Variants in HSPD1 observed in about 807,000 individuals in gnomAD.
HSPD1 encodes heat shock protein family D (Hsp60) member 1, also known as 60 kDa heat shock protein, mitochondrial.
A neutral mutation model predicts 53.0 loss-of-function variants in HSPD1; 3 were observed. The ratio of observed to expected loss-of-function variants is 0.06; its 90% CI spans 0.03 to 0.15. HSPD1 has a LOEUF of 0.15. Ranked by LOEUF, HSPD1 falls within the 10% of genes least tolerant of loss-of-function variation. The pLI, the probability that HSPD1 is intolerant of heterozygous loss-of-function variation, is 1.00. For missense variants in HSPD1, 431 were observed against 694.1 expected (o/e 0.62, Z 4.26); for synonymous variants, 200 against 228.0 (o/e 0.88, Z 1.10).
In HSPD1 at chr2:197,487,977, C is replaced by T. The variant is rs748986010; in HGVS notation, c.1450G>A (p.Gly484Ser). The T allele has an allele frequency of 6.2e-7, 1 of 1,613,042 alleles. No homozygotes were observed. ...IPAMTIAKNA[G>S]VEGSLIVEKI... ...TCAACTATCAAAGATCCTTCAACAC[C>T]TGCATTCTTAGCAATGGTCATTGCT... is the stretch of plus-strand genomic sequence containing the variant. Residue 484 changes from glycine to serine, a missense_variant, in exon 11 of 12, where the codon GGT becomes AGT. By Grantham distance (56) the Gly-to-Ser change is moderately conservative. This residue lies in a region of HSPD1 where 386 missense variants were observed against 657.6 expected (regional missense o/e 0.59). Transcript: ENST00000388968.
Position 197,487,216 on chromosome 2 carries a change from T to G in HSPD1, c.1570-18A>C. 6.2e-7 allele frequency: 1 copy of G among 1,610,038 alleles called. No individual in the cohort carries two copies. The highest frequency in any genetic ancestry group is 1.7e-4 in the Middle Eastern group (1 of 6,056). On this transcript the variant is annotated intron_variant, in intron 11 of 11. Coordinates refer to ENST00000388968, the MANE Select transcript of HSPD1 (RefSeq NM_002156.5). ...CTCACAACCTAGAAAAAAATTTAAT[T>G]AATTAGTTTTCCCTTAGTAAAATAT...
At position 197,487,010 on chromosome 2, in the gene HSPD1, C is replaced by T. The variant is rs1574595281; in HGVS notation, c.*36G>A. On this transcript the variant is annotated 3_prime_UTR_variant, in exon 12 of 12. Coordinates refer to ENST00000388968, the MANE Select transcript of HSPD1 (RefSeq NM_002156.5). ...GAACACTGCCTTGGGCTTCCTGTCA[C>T]AGTTCATTAATAAAGGTAAAGCACT... 9.5e-7 allele frequency: 1 copy of T among 1,047,372 alleles called. No individual in the cohort carries two copies. Among genetic ancestry groups the T allele is most frequent in the Non-Finnish European group, 1.5e-6 (1 of 666,762 alleles). The allele number at this position is 1,047,372 out of a possible 1,614,324, so 64.9% of individuals were successfully genotyped here. A position where few individuals can be genotyped will look rare whatever the true frequency, so the allele number is the denominator to read the frequency against.
chr2:197,495,473 T>C (rs1257657820), intron 3 of HSPD1, 97 bp from the exon 4 acceptor site: 2 of 908,924 alleles, frequency 2.2e-6, no homozygotes, highest in East Asian at 2.5e-5. Flanking sequence ...TTTAATGCCT[T>C]AACTTAAAAA....
chr2:197,495,445 G>A (rs2106077522), intron 3 of HSPD1, 69 bp from the exon 4 acceptor site: 1 of 1,097,590 alleles, frequency 9.1e-7, no homozygotes, highest in Admixed American at 1.8e-5. Context: ...TAGAAATCTT[G>A]AGATTTGTGA....
chr2:197,490,413 GTGTTTTTT>G (rs1273928430), intron 7 of HSPD1, 117 bp from the exon 8 acceptor site: 2 of 766,182 alleles, frequency 2.6e-6, no homozygotes, highest in East Asian at 2.6e-5. Context: ...TTTGGTTTTT[GTGTTTTTT>G]TGTTTTTTTT....
chr2:197,494,978 C>CA, intron 4 of HSPD1: 1 of 597,732 alleles, frequency 1.7e-6, no homozygotes, highest in Admixed American at 3.0e-5. Context: ...ATTCTTGTAA[C>CA]AAAAAGTTTA....
rs927609896 is a variant in HSPD1 at position 197,494,276 on chromosome 2, T to C, written c.607-26A>G. ...CTATGAAAAGTCAAAGAATTAGGTA[T>C]ATGGATTTCATTGAACACAAAACAT... On this transcript the variant is annotated intron_variant, in intron 5 of 11. Transcript: ENST00000388968. The C allele has an allele frequency of 1.2e-5, 13 of 1,115,622 alleles. No homozygotes were observed. The African/African-American group carries it at 1.5e-4, about 13-fold the overall frequency. The allele number at this position is 1,115,622 out of a possible 1,614,324, so 69.1% of individuals were successfully genotyped here. A position where few individuals can be genotyped will look rare whatever the true frequency, so the allele number is the denominator to read the frequency against.
intron 5 of HSPD1, 134 bp downstream of exon 5, chr2:197,494,523 T>C (rs2086133325): frequency 4.5e-6 from 3 of 667,416 alleles, no homozygotes; most frequent in Non-Finnish European, 5.3e-6. Context: ...TGAGACTACA[T>C]ATGAAGGAAT....
chr2:197,494,622 C>T (rs557408307), intron 5 of HSPD1, 35 bp downstream of exon 5: 1 of 1,242,812 alleles, frequency 8.0e-7, no homozygotes, highest in East Asian at 2.4e-5. Context: ...CATAAGATAA[C>T]TCAAAATTAT....
rs1010111287 is a variant in HSPD1, at chr2:197,494,355, G to A, written c.607-105C>T. The A allele has an allele frequency of 9.6e-6, 7 of 729,782 alleles. No individual in the cohort carries two copies. The African/African-American group carries it at 1.1e-4, about 11-fold the overall frequency. 45.2% of individuals were successfully genotyped at this position (729,782 alleles called of 1,614,324 possible). A position where few individuals can be genotyped will look rare whatever the true frequency, so the allele number is the denominator to read the frequency against. On this transcript the variant is annotated intron_variant, in intron 5 of 11. Transcript: ENST00000388968. ...GACCCCTCTGGCCATAAGAGATGCA[G>A]GGTAGAGTATGAAACAGCCCAGGAC... is the stretch of plus-strand genomic sequence containing the variant.
At chr2:197,492,190 C>G (rs1240135671) in intron 7 of HSPD1, among the ~76,000 whole-genome samples, 1 of 152,098 alleles carries the variant, frequency 6.6e-6, no homozygotes, top group African/African-American at 2.4e-5. Context: ...AATACACTTA[C>G]ATCTGAGTTA....
intron 1 of HSPD1, among the ~76,000 whole-genome samples, 175 bp downstream of exon 1, chr2:197,499,607 T>C (rs1292068908): frequency 6.6e-6 from 1 of 152,074 alleles, no homozygotes; most frequent in Non-Finnish European, 1.5e-5. Flanking sequence ...GCGTCGCACG[T>C]GATGGAACCC....
In HSPD1 at chr2:197,495,534, A is replaced by G. The variant is rs146816839; in HGVS notation, c.428-158T>C. Among the ~76,000 whole-genome samples, 400 of 151,888 alleles carry G rather than the reference A, an allele frequency of 2.6e-3. 5 individuals carry two copies. Among genetic ancestry groups the G allele is most frequent in the African/African-American group, 9.3e-3 (386 of 41,378 alleles). ...AGGGTCTTGTTCTGCTGCCCAGGCTAGAGTGCAGTAGCACAGATCATGGCT... is the reference window on the plus strand; with the variant it reads ...AGGGTCTTGTTCTGCTGCCCAGGCTGGAGTGCAGTAGCACAGATCATGGCT... On this transcript the variant is annotated intron_variant, in intron 3 of 11. Coordinates refer to ENST00000388968, the MANE Select transcript of HSPD1 (RefSeq NM_002156.5).
At position 197,488,483 on chromosome 2, in the gene HSPD1, C is replaced by T. The variant is rs1233162455; in HGVS notation, c.1224G>A (p.Gly408=). 2.5e-6 allele frequency: 4 copies of T among 1,613,564 alleles called. No homozygotes were observed. Among genetic ancestry groups the T allele is most frequent in the Non-Finnish European group, 3.4e-6 (4 of 1,179,484 alleles). Reference sequence around the variant, plus strand: ...TTTCATTCACTTCAACATCACTTGTCCCACCAACCTAAAGACGAAAAGAAT... The same window carrying T: ...TTTCATTCACTTCAACATCACTTGTTCCACCAACCTAAAGACGAAAAGAAT... ...SDGVAVLKVG[G]TSDVEVNEKK... The change falls in exon 10 of 12, where the codon GGG becomes GGA. Residue 408 remains glycine (G), a synonymous_variant. Coordinates refer to ENST00000388968, the MANE Select transcript of HSPD1 (RefSeq NM_002156.5).
chr2:197,498,512 T>C (rs1434059032), intron 2 of HSPD1, among the ~76,000 whole-genome samples, 163 bp downstream of exon 2: 1 of 152,186 alleles, frequency 6.6e-6, no homozygotes, highest in Non-Finnish European at 1.5e-5. Flanking sequence ...TTTAAGATCA[T>C]GTCTAAGAAA....
Position 197,495,502 on chromosome 2 carries a change from T to C in HSPD1, c.428-126A>G. 3 of 686,270 alleles carry C rather than the reference T, an allele frequency of 4.4e-6. No individual in the cohort carries two copies. In the South Asian group the frequency reaches 5.1e-5, roughly 12 times the overall value. The allele number at this position is 686,270 out of a possible 1,614,324, so 42.5% of individuals were successfully genotyped here. On this transcript the variant is annotated intron_variant, in intron 3 of 11. Transcript: ENST00000388968. ...TTAAAAAAAAAAATTTTTTTTTTTT[T>C]TGAGACAGGGTCTTGTTCTGCTGCC...
chr2:197,488,849 C>A (rs767597634), intron 9 of HSPD1, among the ~76,000 whole-genome samples, 153 bp downstream of exon 9: 1 of 152,150 alleles, frequency 6.6e-6, no homozygotes, highest in African/African-American at 2.4e-5. Context: ...GCCTGGGTGA[C>A]GAAGAGCTCA....
In HSPD1 at chr2:197,489,092, A is replaced by G; in HGVS notation, c.1125T>C (p.Ile375=). The change falls in exon 9 of 12, where the codon ATT becomes ATC. Residue 375 remains isoleucine, a synonymous_variant. Coordinates refer to ENST00000388968, the MANE Select transcript of HSPD1 (RefSeq NM_002156.5). ...AQIEKRIQEI[I]EQLDVTTSEY... ...CACTAGTTGTGACATCTAACTGCTCAATGATTTCTTGAATACGTTTTTCAA... is the reference window on the plus strand; with the variant it reads ...CACTAGTTGTGACATCTAACTGCTCGATGATTTCTTGAATACGTTTTTCAA... 6.2e-7 allele frequency: 1 copy of G among 1,613,928 alleles called. No homozygotes were observed. The highest frequency in any genetic ancestry group is 1.7e-4 in the Middle Eastern group (1 of 6,050).
intron 9 of HSPD1, 55 bp downstream of exon 9, chr2:197,488,947 A>C (rs1384429531): frequency 6.9e-6 from 11 of 1,596,772 alleles, no homozygotes; most frequent in Non-Finnish European, 9.4e-6. Context: ...CTACAGAAGC[A>C]AAATCATTCT....
Sources: gnomAD v4.1 joint callset for allele counts (sites outside exome capture counted in the v4.1 genomes callset) on GRCh38, gnomAD v4.1.1 for gene constraint, gnomAD v4.1.1 regional missense constraint, MANE v1.5 for transcripts, NCBI Gene and HGNC (gene_info 2026-07-23, HGNC 2026-07-21) for gene names.